The following ACAP2 variants were observed in gnomAD, a reference collection of about 807,000 sequenced individuals.
The protein encoded by ACAP2 is arf-GAP with coiled-coil, ANK repeat and PH domain-containing protein 2.
ACAP2 carries 39 observed loss-of-function variants against 115.8 expected under a neutral mutation model. The ratio of observed to expected loss-of-function variants is 0.34; its 90% CI spans 0.26 to 0.44. The LOEUF is 0.44. Among genes scored for constraint, ACAP2 ranks in the 20% least tolerant of loss-of-function variants. The probability of loss-of-function intolerance (pLI) is 1.00; values close to 1 mark genes in which losing one functional copy is unlikely to be tolerated. For missense variants in ACAP2, 662 were observed against 927.6 expected, an observed-to-expected ratio of 0.71 and a Z score of 3.72; for synonymous variants, 289 against 315.8, an observed-to-expected ratio of 0.92 and a Z score of 0.90.
rs1335716885 is a variant in ACAP2, at chr3:195,336,868, C to A, written c.573+64G>T. The A allele has an allele frequency of 3.8e-6, 5 of 1,305,048 alleles. No individual in the cohort carries two copies. In the Admixed American group the frequency reaches 5.4e-5, roughly 14 times the overall value. The allele number at this position is 1,305,048 out of a possible 1,614,324, so 80.8% of individuals were successfully genotyped here. On this transcript the variant is annotated intron_variant, in intron 7 of 22. Transcript: ENST00000326793. ...GTATATAGCAGATGCTCTTTCAACA[C>A]CTAAATACGTACATTTAGTTTCATA...
intron 17 of ACAP2, 87 bp from the exon 18 acceptor site, chr3:195,294,898 T>A: frequency 1.3e-6 from 1 of 785,866 alleles, no homozygotes; most frequent in Non-Finnish European, 2.1e-6. Context: ...AATGAGCTCT[T>A]ACACATCAAC....
At chr3:195,282,491 T>C (rs1271405689) in intron 22 of ACAP2, 1 of 152,222 alleles carries the variant, frequency 6.6e-6, no homozygotes, top group Admixed American at 6.5e-5. Flanking sequence ...AAAGCAAATG[T>C]TACAAGAACA....
At chr3:195,394,516 G>A (rs1236188954) in intron 1 of ACAP2, among the ~76,000 whole-genome samples, 8 of 152,130 alleles carry the variant, frequency 5.3e-5, no homozygotes. Flanking sequence ...AAAACAACAT[G>A]TTTAAAGAAA....
At chr3:195,367,768 G>C (rs564004599) in intron 4 of ACAP2, among the ~76,000 whole-genome samples, 1 of 152,192 alleles carries the variant, frequency 6.6e-6, no homozygotes, top group Admixed American at 6.6e-5. Flanking sequence ...TGTAGAGAGA[G>C]AAGTCCTAGA....
intron 9 of ACAP2, among the ~76,000 whole-genome samples, chr3:195,323,293 AGAT>A (rs1413505601): frequency 2.0e-5 from 3 of 152,240 alleles, no homozygotes; most frequent in Non-Finnish European, 4.4e-5. Flanking sequence ...CATTATTGGT[AGAT>A]GATAACACTT....
intron 10 of ACAP2, among the ~76,000 whole-genome samples, chr3:195,316,395 T>C (rs1729096217): frequency 6.6e-6 from 1 of 151,992 alleles, no homozygotes; most frequent in Non-Finnish European, 1.5e-5. Flanking sequence ...CTTATGTTTA[T>C]TTATTTATTT....
intron 1 of ACAP2, among the ~76,000 whole-genome samples, chr3:195,393,888 G>GT (rs1228094990): frequency 6.8e-6 from 1 of 146,892 alleles, no homozygotes. Context: ...TTATATTGGG[G>GT]GGGGGGGAAG....
At chr3:195,337,273 T>C (rs928303129) in intron 6 of ACAP2, among the ~76,000 whole-genome samples, 1 of 152,166 alleles carries the variant, frequency 6.6e-6, no homozygotes, top group Non-Finnish European at 1.5e-5. Flanking sequence ...TCCCACCCTC[T>C]TTATCTAATT....
At chr3:195,439,636 T>C (rs6776742) in intron 1 of ACAP2, among the ~76,000 whole-genome samples, 4,147 of 152,024 alleles carry the variant, frequency 0.027, 57 homozygotes, top group African/African-American at 0.04. Flanking sequence ...TTTTTTGTTT[T>C]TTTTGTTTTT....
At chr3:195,392,735 A>G (rs1224906022) in intron 1 of ACAP2, among the ~76,000 whole-genome samples, 1 of 152,224 alleles carries the variant, frequency 6.6e-6, no homozygotes, top group Non-Finnish European at 1.5e-5. Flanking sequence ...TATTGACAAA[A>G]GAGAATACAA....
intron 4 of ACAP2, among the ~76,000 whole-genome samples, chr3:195,377,851 T>C (rs1486934937): frequency 3.3e-5 from 5 of 152,214 alleles, no homozygotes; most frequent in African/African-American, 7.2e-5. Flanking sequence ...CTTCTGGGTA[T>C]AGTGTCAGAC....
intron 12 of ACAP2, 51 bp from the exon 13 acceptor site, chr3:195,306,667 A>G: frequency 7.8e-7 from 1 of 1,279,616 alleles, no homozygotes; most frequent in Non-Finnish European, 1.1e-6. Context: ...AATGCCAAAA[A>G]CACCCTATAA....
At chr3:195,433,363 G>A (rs962547480) in intron 1 of ACAP2, among the ~76,000 whole-genome samples, 1 of 152,118 alleles carries the variant, frequency 6.6e-6, no homozygotes, top group Non-Finnish European at 1.5e-5. Context: ...GGAACCCATA[G>A]ATACAAAGGC....
intron 5 of ACAP2, 77 bp from the exon 6 acceptor site, chr3:195,342,731 C>A (rs1273415305): frequency 5.1e-6 from 6 of 1,178,762 alleles, no homozygotes; most frequent in Non-Finnish European, 7.0e-6. Context: ...CGCGGTGGCT[C>A]ACACCTGTAA....
intron 1 of ACAP2, among the ~76,000 whole-genome samples, chr3:195,395,365 G>A (rs1333107943): frequency 1.3e-5 from 2 of 152,156 alleles, no homozygotes; most frequent in Non-Finnish European, 2.9e-5. Flanking sequence ...AAGAGAAAGG[G>A]AAGAAAAGAG....
At chr3:195,412,980 G>C in intron 1 of ACAP2, 1 of 430,970 alleles carries the variant, frequency 2.3e-6, no homozygotes, top group Non-Finnish European at 4.7e-6. Context: ...GGTATTACAA[G>C]TGCTTTTAAG....
At chr3:195,421,982 T>C (rs922336564) in intron 1 of ACAP2, among the ~76,000 whole-genome samples, 1 of 152,328 alleles carries the variant, frequency 6.6e-6, no homozygotes, top group East Asian at 1.9e-4. Flanking sequence ...ATTTCTGCTA[T>C]TCTGTTATAT....
intron 1 of ACAP2, among the ~76,000 whole-genome samples, chr3:195,427,114 G>A (rs1386564159): frequency 6.6e-6 from 1 of 152,118 alleles, no homozygotes. Flanking sequence ...GATAGAAGAG[G>A]GAGTATCACA....
intron 5 of ACAP2, among the ~76,000 whole-genome samples, chr3:195,344,398 G>A (rs772833904): frequency 6.6e-6 from 1 of 151,928 alleles, no homozygotes; most frequent in African/African-American, 2.4e-5. Context: ...AGAAAAACCT[G>A]TATTATTAAT....
Sources: allele counts gnomAD v4.1 joint callset (sites outside exome capture counted in the v4.1 genomes callset), GRCh38; gene constraint gnomAD v4.1.1; transcripts MANE v1.5; gene names NCBI Gene and HGNC (gene_info 2026-07-23, HGNC 2026-07-21).